GATAD2A: variants seen among roughly 807,000 people sequenced by gnomAD.
The protein encoded by GATAD2A is GATA zinc finger domain containing 2A.
GATAD2A carries 12 observed loss-of-function variants against 68.5 expected under a neutral mutation model. The observed-to-expected ratio is 0.18, with a 90% CI of 0.11 to 0.28. The LOEUF (loss-of-function observed/expected upper bound fraction) is 0.28. Ranked by LOEUF, GATAD2A falls within the 10% of genes least tolerant of loss-of-function variation. The pLI, the probability that GATAD2A is intolerant of heterozygous loss-of-function variation, is 1.00. For synonymous variants in GATAD2A, 410 were observed against 375.3 expected (o/e 1.09, Z -1.07); for missense variants, 755 against 868.5 (o/e 0.87, Z 1.64).
intron 2 of GATAD2A, among the ~76,000 whole-genome samples, chr19:19,476,830 A>G (rs2058708157): frequency 6.6e-6 from 1 of 152,208 alleles, no homozygotes; most frequent in Admixed American, 6.5e-5. Flanking sequence ...TTAGCAGAAT[A>G]TGCCCCTGGA....
rs571115868 is a variant in GATAD2A, at chr19:19,498,993, C to A, written c.1204+271C>A. 3.2e-4 allele frequency among the ~76,000 whole-genome samples: 49 copies of A among 152,274 alleles called. No individual in the cohort carries two copies. In the Middle Eastern group the frequency reaches 0.014, roughly 42 times the overall value. Reference sequence around the variant, plus strand: ...TGACGTTGGCGTGTGGTGGGGTAGACGTGAGGGTGCACATCTGTGGGAGGC... The same window carrying A: ...TGACGTTGGCGTGTGGTGGGGTAGAAGTGAGGGTGCACATCTGTGGGAGGC... On this transcript the variant is annotated intron_variant, in intron 8 of 11. Coordinates refer to ENST00000683918, the MANE Select transcript of GATAD2A (RefSeq NM_001384528.1).
intron 2 of GATAD2A, among the ~76,000 whole-genome samples, chr19:19,471,812 A>G (rs1281123489): frequency 6.6e-6 from 1 of 152,256 alleles, no homozygotes; most frequent in Non-Finnish European, 1.5e-5. Flanking sequence ...TGTGAGGCCA[A>G]TCCAAAGGTC....
intron 1 of GATAD2A, among the ~76,000 whole-genome samples, chr19:19,408,689 T>C (rs919871398): frequency 1.3e-5 from 2 of 152,220 alleles, no homozygotes; most frequent in Non-Finnish European, 2.9e-5. Flanking sequence ...TCAGAGTGCA[T>C]ACTGTGCCTT....
At chr19:19,403,000 T>A (rs1051849625), upstream of GATAD2A, among the ~76,000 whole-genome samples, 1 of 152,034 alleles carries the variant, frequency 6.6e-6, no homozygotes, top group African/African-American at 2.4e-5. Flanking sequence ...CTGGAACTCC[T>A]GACCTCAGGT....
chr19:19,394,443 C>T (rs2049070943), intron 1 of GATAD2A, among the ~76,000 whole-genome samples: 1 of 148,400 alleles, frequency 6.7e-6, no homozygotes, highest in African/African-American at 2.5e-5. Flanking sequence ...CCGGGCTTTC[C>T]TCTTTTTTTT....
At chr19:19,454,637 T>A (rs1414341048) in intron 1 of GATAD2A, among the ~76,000 whole-genome samples, 1 of 151,708 alleles carries the variant, frequency 6.6e-6, no homozygotes, top group African/African-American at 2.4e-5. Flanking sequence ...AGTCTCCCTT[T>A]GTTGCCCAGG....
At chr19:19,420,183 T>TG (rs1330750583) in intron 1 of GATAD2A, among the ~76,000 whole-genome samples, 20 of 143,974 alleles carry the variant, frequency 1.4e-4, no homozygotes, top group Admixed American at 1.3e-3. Flanking sequence ...GCTAGTTTTT[T>TG]TTTTTTTTTT....
At chr19:19,471,307 C>T (rs193235441) in intron 2 of GATAD2A, among the ~76,000 whole-genome samples, 18 of 150,848 alleles carry the variant, frequency 1.2e-4, no homozygotes, top group Admixed American at 7.3e-4. Flanking sequence ...ATAAAACAAA[C>T]CTGCTACCTC....
At chr19:19,463,216 C>G (rs2057594695) in intron 1 of GATAD2A, among the ~76,000 whole-genome samples, 1 of 152,058 alleles carries the variant, frequency 6.6e-6, no homozygotes, top group Non-Finnish European at 1.5e-5. Context: ...GGAGAAATGT[C>G]CCACCCCTCC....
chr19:19,483,638 T>C (rs2148280950), intron 2 of GATAD2A, among the ~76,000 whole-genome samples: 1 of 151,158 alleles, frequency 6.6e-6, no homozygotes, highest in East Asian at 1.9e-4. Context: ...TTTTGGAGAC[T>C]GAGTCTCGGT....
chr19:19,505,206 A>C, intron 11 of GATAD2A, 138 bp from the exon 12 acceptor site: 1 of 699,566 alleles, frequency 1.4e-6, no homozygotes, highest in Admixed American at 2.6e-5. Flanking sequence ...TTGATTGAGG[A>C]GTAGTGTGGG....
At chr19:19,434,752 A>G (rs933458480) in intron 1 of GATAD2A, among the ~76,000 whole-genome samples, 5 of 152,214 alleles carry the variant, frequency 3.3e-5, no homozygotes, top group South Asian at 2.1e-4. Context: ...CATTTTCTCT[A>G]TGACCTTGGA....
intron 2 of GATAD2A, among the ~76,000 whole-genome samples, chr19:19,477,710 A>T (rs1405349279): frequency 1.3e-5 from 2 of 152,270 alleles, no homozygotes; most frequent in African/African-American, 2.4e-5. Flanking sequence ...GGGAGAGTTG[A>T]TGCTCTGAGC....
intron 1 of GATAD2A, among the ~76,000 whole-genome samples, chr19:19,426,773 C>T (rs934609212): frequency 6.6e-6 from 1 of 152,228 alleles, no homozygotes; most frequent in African/African-American, 2.4e-5. Context: ...CTCAACCTCC[C>T]AAAGTGCTGG....
intron 1 of GATAD2A, among the ~76,000 whole-genome samples, chr19:19,389,225 A>G (rs1719055814): frequency 6.6e-6 from 1 of 152,174 alleles, no homozygotes; most frequent in African/African-American, 2.4e-5. Context: ...TTGAAACCTG[A>G]GTAACTTGTA....
rs936025361 is a variant in GATAD2A at position 19,505,599 on chromosome 19, C to G, written c.*125C>G. Reference sequence around the variant, plus strand: ...CCGTGCCCGCCCCAAGAGCAAGCACCGGCCATGCTGCAGAGGCAAGACCTC... The same window carrying G: ...CCGTGCCCGCCCCAAGAGCAAGCACGGGCCATGCTGCAGAGGCAAGACCTC... On this transcript the variant is annotated 3_prime_UTR_variant, in exon 12 of 12. Transcript: ENST00000683918. 4.8e-6 allele frequency: 4 copies of G among 838,520 alleles called. No homozygotes were observed. The African/African-American group carries it at 5.4e-5, about 11-fold the overall frequency. The allele number at this position is 838,520 out of a possible 1,614,324, so 51.9% of individuals were successfully genotyped here. A position where few individuals can be genotyped will look rare whatever the true frequency, so the allele number is the denominator to read the frequency against.
At chr19:19,399,155 T>G (rs2146939188) in intron 1 of GATAD2A, among the ~76,000 whole-genome samples, 1 of 152,020 alleles carries the variant, frequency 6.6e-6, no homozygotes, top group East Asian at 1.9e-4. Flanking sequence ...ACCTGAGAGG[T>G]GGAGGTTGCA....
At chr19:19,465,156 G>C (rs2163804) in intron 1 of GATAD2A, among the ~76,000 whole-genome samples, 184 bp from the exon 2 acceptor site, 2 of 151,976 alleles carry the variant, frequency 1.3e-5, no homozygotes, top group Non-Finnish European at 2.9e-5. Context: ...CTCCTGCCTA[G>C]CCTTCCTCAA....
intron 1 of GATAD2A, among the ~76,000 whole-genome samples, chr19:19,442,780 A>C (rs1008852936): frequency 1.3e-5 from 2 of 152,022 alleles, no homozygotes; most frequent in Admixed American, 1.3e-4. Flanking sequence ...TGAAAAAAAA[A>C]AAAAAAAACC....
Sources: gnomAD v4.1 joint callset for allele counts (sites outside exome capture counted in the v4.1 genomes callset) on GRCh38, gnomAD v4.1.1 for gene constraint, MANE v1.5 for transcripts, NCBI Gene and HGNC (gene_info 2026-07-23, HGNC 2026-07-21) for gene names.